BCAS3: variants seen among roughly 807,000 people sequenced by gnomAD.
BCAS3 encodes the protein BCAS3 microtubule associated cell migration factor, also known as BCAS4/BCAS3 fusion.
A neutral mutation model predicts 116.1 loss-of-function variants in BCAS3; 53 were observed. The ratio of observed to expected loss-of-function variants is 0.46; its 90% CI spans 0.37 to 0.57. The LOEUF (loss-of-function observed/expected upper bound fraction) is 0.57, where lower values mean the gene tolerates loss of function less well. BCAS3 is among the 20% of genes least tolerant of loss of function. The pLI is 0.00. For missense variants in BCAS3, 917 were observed against 1,165.4 expected (o/e 0.79, Z 3.10); for synonymous variants, 391 against 408.2 (o/e 0.96, Z 0.51).
intron 22 of BCAS3, among the ~76,000 whole-genome samples, chr17:61,138,099 T>C (rs1427088302): frequency 6.6e-6 from 1 of 152,246 alleles, no homozygotes; most frequent in Non-Finnish European, 1.5e-5. Flanking sequence ...ATGGTAAAAC[T>C]TTCTGTGATA....
intron 1 of BCAS3, among the ~76,000 whole-genome samples, chr17:60,678,680 T>G (rs2032437524): frequency 6.6e-6 from 1 of 152,200 alleles, no homozygotes; most frequent in African/African-American, 2.4e-5. Flanking sequence ...CGAATGTGAT[T>G]TAAATTGTGA....
At chr17:60,721,641 T>A (rs531576248) in intron 5 of BCAS3, among the ~76,000 whole-genome samples, 2 of 152,304 alleles carry the variant, frequency 1.3e-5, no homozygotes, top group South Asian at 4.1e-4. Context: ...TCTAAAACAA[T>A]ATATTATTTG....
At chr17:60,917,927 C>T (rs563163993) in intron 12 of BCAS3, among the ~76,000 whole-genome samples, 1 of 152,254 alleles carries the variant, frequency 6.6e-6, no homozygotes, top group Non-Finnish European at 1.5e-5. Context: ...CTTGTGTGAA[C>T]ATTGGTGTAC....
chr17:60,870,651 A>G (rs2055020133), intron 8 of BCAS3, among the ~76,000 whole-genome samples: 1 of 152,210 alleles, frequency 6.6e-6, no homozygotes, highest in African/African-American at 2.4e-5. Context: ...GTCTGATGCT[A>G]ATGAAAATAT....
chr17:61,207,074 T>C (rs2081186883), intron 22 of BCAS3, among the ~76,000 whole-genome samples: 1 of 152,146 alleles, frequency 6.6e-6, no homozygotes, highest in African/African-American at 2.4e-5. Context: ...TAGTATTTGT[T>C]CTTTCTTAGC....
rs2078236691 is a variant in BCAS3 at position 61,162,719 on chromosome 17, C to G, written c.2425+78155C>G. Among the ~76,000 whole-genome samples, 1 of 152,170 alleles carries G rather than the reference C, an allele frequency of 6.6e-6. No homozygotes were observed. Among genetic ancestry groups the G allele is most frequent in the African/African-American group, 2.4e-5 (1 of 41,434 alleles). ...TATACTTCTCTTTCTGAAACTGATT[C>G]CATGTCATAATGCCCTCCTTGGGGA... is the stretch of plus-strand genomic sequence containing the variant. On this transcript the variant is annotated intron_variant, in intron 22 of 23. Transcript: ENST00000407086. This position sits in a 1 kb window ranked among gnomAD's most constrained non-coding sequence, Gnocchi z 5.6.
rs140774707 is a variant in BCAS3, at chr17:61,285,651, A to G, written c.2426-82676A>G. ...TGGCTTTGATTAAGTGCAAATTAGA[A>G]TCACACTTCACTCCAGTGTGATTTA... On this transcript the variant is annotated intron_variant, in intron 22 of 23. Coordinates refer to ENST00000407086, the MANE Select transcript of BCAS3 (RefSeq NM_017679.5). This position sits in a 1 kb window ranked among gnomAD's most constrained non-coding sequence, Gnocchi z 5.4. 2.0e-5 allele frequency among the ~76,000 whole-genome samples: 3 copies of G among 152,354 alleles called. No homozygotes were observed. Among genetic ancestry groups the G allele is most frequent in the African/African-American group, 7.2e-5 (3 of 41,582 alleles).
At chr17:61,052,954 C>T (rs975201786) in intron 19 of BCAS3, among the ~76,000 whole-genome samples, 1 of 151,686 alleles carries the variant, frequency 6.6e-6, no homozygotes, top group Non-Finnish European at 1.5e-5. Context: ...TGACCTCAAG[C>T]GATCTGCCCG....
At position 60,727,190 on chromosome 17, in the gene BCAS3, C is replaced by G. The variant is rs776701892; in HGVS notation, c.321+17865C>G. 9 of 858,274 alleles carry G rather than the reference C, an allele frequency of 1.0e-5. No individual in the cohort carries two copies. In the Middle Eastern group the frequency reaches 1.1e-3, roughly 105 times the overall value. 53.2% of individuals were successfully genotyped at this position (858,274 alleles called of 1,614,324 possible). ...TTAGAACTGGATCTCTTGGCCCTTT[C>G]TCTTCTTATCTCCTCCCGGTTCAAA... On this transcript the variant is annotated intron_variant, in intron 5 of 23. Transcript: ENST00000407086.
intron 13 of BCAS3, among the ~76,000 whole-genome samples, chr17:60,946,838 G>A (rs1399480767): frequency 6.6e-6 from 1 of 152,070 alleles, no homozygotes; most frequent in Non-Finnish European, 1.5e-5. Flanking sequence ...TTGAGCCCAG[G>A]AATTTGCGGC....
intron 10 of BCAS3, among the ~76,000 whole-genome samples, chr17:60,900,512 T>G (rs2057815420): frequency 6.6e-6 from 1 of 152,162 alleles, no homozygotes. Context: ...TCCTACCCAC[T>G]TTTGGTGTTT....
intron 6 of BCAS3, among the ~76,000 whole-genome samples, chr17:60,778,786 C>A (rs894213540): frequency 6.6e-6 from 1 of 152,124 alleles, no homozygotes; most frequent in African/African-American, 2.4e-5. Flanking sequence ...GTAAAAAGAT[C>A]AGCCCTAGTG....
At chr17:60,727,363 A>G (rs1177835073) in intron 5 of BCAS3, 3 of 1,542,486 alleles carry the variant, frequency 1.9e-6, no homozygotes, top group African/African-American at 1.4e-5. Context: ...GCTTCCGATC[A>G]TAGCGCCTCT....
At chr17:61,108,875 C>T (rs1299508122) in intron 22 of BCAS3, among the ~76,000 whole-genome samples, 1 of 152,038 alleles carries the variant, frequency 6.6e-6, no homozygotes, top group Non-Finnish European at 1.5e-5. Context: ...TTTTCCATTC[C>T]TGAGTTACTT....
At chr17:60,800,120 G>GT (rs2047637564) in intron 6 of BCAS3, among the ~76,000 whole-genome samples, 1 of 151,980 alleles carries the variant, frequency 6.6e-6, no homozygotes, top group South Asian at 2.1e-4. Context: ...GGGATGTTTT[G>GT]TTTTTTTAAT....
chr17:61,204,334 C>A lies in BCAS3; in HGVS notation c.2425+119770C>A, dbSNP rs1335706485. 6.6e-6 allele frequency among the ~76,000 whole-genome samples: 1 copy of A among 152,168 alleles called. No individual in the cohort carries two copies. The highest frequency in any genetic ancestry group is 1.5e-5 in the Non-Finnish European group (1 of 68,034). The stretch of plus-strand genomic sequence containing the variant: ...ATAAATAGAATGAAGGTCATGTGAA[C>A]GAGTTCAGAAGATTCTAGATATCAC... On this transcript the variant is annotated intron_variant, in intron 22 of 23. Transcript: ENST00000407086. The surrounding 1 kb of genome is among the most constrained non-coding windows in gnomAD (Gnocchi z 4.2).
chr17:61,311,015 G>A (rs1184595459), intron 22 of BCAS3, among the ~76,000 whole-genome samples: 2 of 152,052 alleles, frequency 1.3e-5, no homozygotes, highest in Non-Finnish European at 1.5e-5. Context: ...TCTGTGCCTC[G>A]GTTTTTTCAT....
intron 7 of BCAS3, among the ~76,000 whole-genome samples, chr17:60,815,269 G>A (rs527522500): frequency 1.0e-3 from 156 of 151,976 alleles, no homozygotes; most frequent in Non-Finnish European, 1.5e-3. Flanking sequence ...ACAGGAAGGG[G>A]AACATCACAC....
chr17:60,913,504 T>C (rs1241466520), intron 12 of BCAS3, among the ~76,000 whole-genome samples: 1 of 152,134 alleles, frequency 6.6e-6, no homozygotes, highest in Non-Finnish European at 1.5e-5. Flanking sequence ...TTGTCTCTGA[T>C]AAGTAGTTCA....
Sources: gnomAD v4.1 joint callset for allele counts (sites outside exome capture counted in the v4.1 genomes callset) on GRCh38, gnomAD v4.1.1 for gene constraint, Gnocchi (gnomAD v3.1) non-coding constraint, MANE v1.5 for transcripts, NCBI Gene and HGNC (gene_info 2026-07-23, HGNC 2026-07-21) for gene names.